Variants in TFAP2C observed in about 807,000 individuals in gnomAD.
The protein encoded by TFAP2C is transcription factor AP-2 gamma, also known as activating enhancer-binding protein 2 gamma.
A neutral mutation model predicts 42.9 loss-of-function variants in TFAP2C; 9 were observed. The observed-to-expected ratio is 0.21, with a 90% CI of 0.13 to 0.37. The LOEUF (loss-of-function observed/expected upper bound fraction) is 0.37. TFAP2C is among the 10% of genes least tolerant of loss of function. The pLI, the probability that TFAP2C is intolerant of heterozygous loss-of-function variation, is 1.00. For synonymous variants in TFAP2C, 264 were observed against 256.0 expected, an observed-to-expected ratio of 1.03 and a Z score of -0.30; for missense variants, 462 against 591.7, an observed-to-expected ratio of 0.78 and a Z score of 2.27.
At position 56,631,555 on chromosome 20, in the gene TFAP2C, G is replaced by A; in HGVS notation, c.399G>A (p.Ala133=). The A allele has an allele frequency of 2.0e-6, 3 of 1,530,504 alleles. No individual in the cohort carries two copies. The highest frequency in any genetic ancestry group is 2.6e-6 in the Non-Finnish European group (3 of 1,145,390). 94.8% of individuals were successfully genotyped at this position (1,530,504 alleles called of 1,614,324 possible). The part of the protein sequence containing the change: ...GLLPHLSGLE[A]GAVSARRDAY... ...TGCCCCACCTCTCCGGGCTGGAGGCGGGCGCGGTGAGCGCCCGCAGGGATG... is the reference window on the plus strand; with the variant it reads ...TGCCCCACCTCTCCGGGCTGGAGGCAGGCGCGGTGAGCGCCCGCAGGGATG... Residue 133 remains alanine, a synonymous_variant, in exon 2 of 7, where the codon GCG becomes GCA. Coordinates refer to ENST00000201031, the MANE Select transcript of TFAP2C (RefSeq NM_003222.4). The surrounding 1 kb of genome is among the most constrained non-coding windows in gnomAD (Gnocchi z 6.1).
At chr20:56,636,085 G>A (rs1987577608) in intron 5 of TFAP2C, among the ~76,000 whole-genome samples, 1 of 152,168 alleles carries the variant, frequency 6.6e-6, no homozygotes, top group South Asian at 2.1e-4. Flanking sequence ...AAGTTTCAGG[G>A]TCTTTTCTGC....
rs2146451031 is a variant in TFAP2C at position 56,639,252 on chromosome 20, T to G, written c.*1239T>G. 6.6e-6 allele frequency: 1 copy of G among 152,474 alleles called. No individual in the cohort carries two copies. The highest frequency in any genetic ancestry group is 2.1e-4 in the South Asian group (1 of 4,832). The allele number at this position is 152,474 out of a possible 1,614,324, so 9.4% of individuals were successfully genotyped here. ...ATAATTGTTGTGTGTATGATACGTGTATAATAAAAGTATTCTTGTTAGAAT... is the reference window on the plus strand; with the variant it reads ...ATAATTGTTGTGTGTATGATACGTGGATAATAAAAGTATTCTTGTTAGAAT... On this transcript the variant is annotated 3_prime_UTR_variant, in exon 7 of 7. Transcript: ENST00000201031.
rs572675016 is a variant in TFAP2C at position 56,630,381 on chromosome 20, C to A, written c.48+789C>A. The A allele has an allele frequency of 2.0e-5, 9 of 457,064 alleles. No homozygotes were observed. Among genetic ancestry groups the A allele is most frequent in the Non-Finnish European group, 3.6e-5 (8 of 220,684 alleles). 28.3% of individuals were successfully genotyped at this position (457,064 alleles called of 1,614,324 possible). A position where few individuals can be genotyped will look rare whatever the true frequency, so the allele number is the denominator to read the frequency against. ...GCGCCATGTTCCTCCAGGTTCCCGG[C>A]GCCCCGAGACCCCTGGGCAGATGGG... On this transcript the variant is annotated intron_variant, in intron 1 of 6. Coordinates refer to ENST00000201031, the MANE Select transcript of TFAP2C (RefSeq NM_003222.4). This position sits in a 1 kb window ranked among gnomAD's most constrained non-coding sequence, Gnocchi z 5.1.
chr20:56,630,954 C>G lies in TFAP2C; in HGVS notation c.49-251C>G. The G allele has an allele frequency of 1.0e-6, 1 of 985,432 alleles. No homozygotes were observed. The highest frequency in any genetic ancestry group is 1.2e-6 in the Non-Finnish European group (1 of 829,922). 61.0% of individuals were successfully genotyped at this position (985,432 alleles called of 1,614,324 possible). A position where few individuals can be genotyped will look rare whatever the true frequency, so the allele number is the denominator to read the frequency against. ...TCGGGCTTGGGAGCAGCGCCTAGAC[C>G]TTCGCCGCCGGGCTTTGAGAACTCG... On this transcript the variant is annotated intron_variant, in intron 1 of 6. Transcript: ENST00000201031. This position sits in a 1 kb window ranked among gnomAD's most constrained non-coding sequence, Gnocchi z 5.1.
chr20:56,636,536 AAAAAG>A, intron 5 of TFAP2C, 69 bp from the exon 6 acceptor site: 1 of 1,513,228 alleles, frequency 6.6e-7, no homozygotes, highest in South Asian at 1.3e-5. Flanking sequence ...AAAAAAAAAA[AAAAAG>A]AGAGAGGAAA....
In TFAP2C at chr20:56,629,622, C is replaced by T; in HGVS notation, c.48+30C>T. 7.1e-7 allele frequency: 1 copy of T among 1,399,868 alleles called. No homozygotes were observed. Among genetic ancestry groups the T allele is most frequent in the Non-Finnish European group, 9.3e-7 (1 of 1,076,944 alleles). The allele number at this position is 1,399,868 out of a possible 1,614,324, so 86.7% of individuals were successfully genotyped here. A position where few individuals can be genotyped will look rare whatever the true frequency, so the allele number is the denominator to read the frequency against. On this transcript the variant is annotated intron_variant, in intron 1 of 6. Coordinates refer to ENST00000201031, the MANE Select transcript of TFAP2C (RefSeq NM_003222.4). The surrounding 1 kb of genome is among the most constrained non-coding windows in gnomAD (Gnocchi z 5.9). ...GCTGGGGCTCCGGGGTGCAGCCCCG[C>T]CCCGCCGAGGACAGTCCGGGAGGCA...
Position 56,630,292 on chromosome 20 carries a change from C to G in TFAP2C, c.48+700C>G. 1 of 354,302 alleles carries G rather than the reference C, an allele frequency of 2.8e-6. No homozygotes were observed. Among genetic ancestry groups the G allele is most frequent in the Non-Finnish European group, 5.8e-6 (1 of 171,978 alleles). The allele number at this position is 354,302 out of a possible 1,614,324, so 21.9% of individuals were successfully genotyped here. A position where few individuals can be genotyped will look rare whatever the true frequency, so the allele number is the denominator to read the frequency against. Reference sequence around the variant, plus strand: ...GCTACGGACTCGCGGGAGTTCACTGCGCCTCCGGGCCCTGGAGGGCTGCCC... The same window carrying G: ...GCTACGGACTCGCGGGAGTTCACTGGGCCTCCGGGCCCTGGAGGGCTGCCC... On this transcript the variant is annotated intron_variant, in intron 1 of 6. Coordinates refer to ENST00000201031, the MANE Select transcript of TFAP2C (RefSeq NM_003222.4). The surrounding 1 kb of genome is among the most constrained non-coding windows in gnomAD (Gnocchi z 5.1).
Position 56,633,535 on chromosome 20 carries a change from T to C in TFAP2C, c.769T>C (p.Leu257=), listed in dbSNP as rs1266247611. 1 of 1,614,190 alleles carries C rather than the reference T, an allele frequency of 6.2e-7. No individual in the cohort carries two copies. Among genetic ancestry groups the C allele is most frequent in the Non-Finnish European group, 8.5e-7 (1 of 1,180,034 alleles). ...GAGGCGACTGTCCCCACCTGAATGC[T>C]TAAATGCCTCGTTACTGGGAGGTGT... ...VQRRLSPPEC[L]NASLLGGVLR... Residue 257 remains leucine (L), a synonymous_variant, in exon 4 of 7, where the codon TTA becomes CTA. Coordinates refer to ENST00000201031, the MANE Select transcript of TFAP2C (RefSeq NM_003222.4).
Position 56,631,813 on chromosome 20 carries a change from C to G in TFAP2C, c.543C>G (p.Asp181Glu), listed in dbSNP as rs1472172559. Reference protein sequence around the residue: ...PHQMDEVQNVDDQHLLLHDQT... With the variant: ...PHQMDEVQNVEDQHLLLHDQT... The stretch of plus-strand genomic sequence containing the variant: ...TGTCCTCTCTCCCCCAGAATGTCGA[C>G]GACCAGCACCTGTTGCTGCACGATC... The change falls in exon 3 of 7, where the codon GAC becomes GAG. Residue 181 changes from aspartate to glutamate, a missense_variant. Asp to Glu is a conservative substitution (Grantham distance 45). This residue lies in a region of TFAP2C where 271 missense variants were observed against 269.7 expected (regional missense o/e 1.00). Transcript: ENST00000201031. The surrounding 1 kb of genome is among the most constrained non-coding windows in gnomAD (Gnocchi z 6.1). 2 of 1,614,184 alleles carry G rather than the reference C, an allele frequency of 1.2e-6. No individual in the cohort carries two copies. The highest frequency in any genetic ancestry group is 8.5e-7 in the Non-Finnish European group (1 of 1,180,036).
Position 56,638,324 on chromosome 20 carries a change from C to T in TFAP2C, c.*311C>T, listed in dbSNP as rs1600900505. The stretch of plus-strand genomic sequence containing the variant: ...AAAGTGGTGCTATAAGTTTTAGAAT[C>T]TTTTAAATACATTCCCTGGGCCAAC... On this transcript the variant is annotated 3_prime_UTR_variant, in exon 7 of 7. Transcript: ENST00000201031. 3.5e-6 allele frequency: 1 copy of T among 282,358 alleles called. No homozygotes were observed. Among genetic ancestry groups the T allele is most frequent in the Middle Eastern group, 1.1e-3 (1 of 870 alleles). 17.5% of individuals were successfully genotyped at this position (282,358 alleles called of 1,614,324 possible). A position where few individuals can be genotyped will look rare whatever the true frequency, so the allele number is the denominator to read the frequency against.
At position 56,631,091 on chromosome 20, in the gene TFAP2C, G is replaced by A; in HGVS notation, c.49-114G>A. The A allele has an allele frequency of 1.4e-6, 2 of 1,435,696 alleles. No homozygotes were observed. Among genetic ancestry groups the A allele is most frequent in the South Asian group, 1.5e-5 (1 of 65,076 alleles). 88.9% of individuals were successfully genotyped at this position (1,435,696 alleles called of 1,614,324 possible). On this transcript the variant is annotated intron_variant, in intron 1 of 6. Coordinates refer to ENST00000201031, the MANE Select transcript of TFAP2C (RefSeq NM_003222.4). The surrounding 1 kb of genome is among the most constrained non-coding windows in gnomAD (Gnocchi z 6.1). ...CTTCCGACCCTGGGCAAGCCCCGCC[G>A]GGCGGGGTGCGGTTGGTCCCCCGGG...
chr20:56,634,122 A>G, intron 4 of TFAP2C, 28 bp from the exon 5 acceptor site: 4 of 1,525,930 alleles, frequency 2.6e-6, no homozygotes, highest in Non-Finnish European at 3.6e-6. Context: ...TTTTGAGAGT[A>G]GCCAGAGTCA....
chr20:56,634,323 T>C (rs1987547568), intron 5 of TFAP2C, 55 bp downstream of exon 5: 6 of 1,273,910 alleles, frequency 4.7e-6, no homozygotes, highest in African/African-American at 1.5e-5. Context: ...CCTGTGTCTT[T>C]AATACTTATT....
intron 5 of TFAP2C, among the ~76,000 whole-genome samples, chr20:56,634,539 A>T (rs1181289092): frequency 1.3e-5 from 2 of 152,194 alleles, no homozygotes; most frequent in Non-Finnish European, 2.9e-5. Context: ...AACCTAAGAA[A>T]TCACACTCTA....
At position 56,631,729 on chromosome 20, in the gene TFAP2C, C is replaced by T. The variant is rs1987495937; in HGVS notation, c.534+39C>T. On this transcript the variant is annotated intron_variant, in intron 2 of 6. Coordinates refer to ENST00000201031, the MANE Select transcript of TFAP2C (RefSeq NM_003222.4). The surrounding 1 kb of genome is among the most constrained non-coding windows in gnomAD (Gnocchi z 6.1). ...CGGCTCCTGACCGGACCTGTTCACC[C>T]TACGGCCTTCTGCCCCCACCCCGCA... 1 of 1,611,036 alleles carries T rather than the reference C, an allele frequency of 6.2e-7. No homozygotes were observed. The highest frequency in any genetic ancestry group is 1.7e-4 in the Middle Eastern group (1 of 6,060).
Position 56,633,369 on chromosome 20 carries a change from C to T in TFAP2C, c.603C>T (p.Thr201=), listed in dbSNP as rs145476817. ...TVIRKGPISM[T]KNPLNLPCQK... ...CATTCACAGGTCCCATTTCCATGAC[C>T]AAGAACCCTCTGAACCTCCCCTGTC... Residue 201 remains threonine (T), a synonymous_variant, in exon 4 of 7, where the codon ACC becomes ACT. Transcript: ENST00000201031. The T allele has an allele frequency of 1.2e-6, 2 of 1,613,440 alleles. No homozygotes were observed. Among genetic ancestry groups the T allele is most frequent in the Admixed American group, 1.7e-5 (1 of 59,984 alleles).
chr20:56,633,117 G>C (rs577098610), intron 3 of TFAP2C, among the ~76,000 whole-genome samples: 1 of 152,046 alleles, frequency 6.6e-6, no homozygotes, highest in South Asian at 2.1e-4. Flanking sequence ...AGAATTACTT[G>C]AGCCCGCAAG....
At chr20:56,637,427 GC>G (rs1987605050) in intron 6 of TFAP2C, among the ~76,000 whole-genome samples, 1 of 152,174 alleles carries the variant, frequency 6.6e-6, no homozygotes, top group Admixed American at 6.5e-5. Flanking sequence ...TGGAATCCAG[GC>G]CCCATTACTT....
At chr20:56,634,594 A>G (rs925204356) in intron 5 of TFAP2C, among the ~76,000 whole-genome samples, 3 of 152,174 alleles carry the variant, frequency 2.0e-5, no homozygotes, top group African/African-American at 4.8e-5. Flanking sequence ...TTTTTGGAAG[A>G]TAACAGCTGA....
Sources: allele counts gnomAD v4.1 joint callset (sites outside exome capture counted in the v4.1 genomes callset), GRCh38; gene constraint gnomAD v4.1.1; regional missense constraint gnomAD v4.1.1; non-coding constraint Gnocchi (gnomAD v3.1); transcripts MANE v1.5; gene names NCBI Gene and HGNC (gene_info 2026-07-23, HGNC 2026-07-21).